The following PARD3B variants were observed in gnomAD, a reference collection of about 807,000 sequenced individuals.
PARD3B encodes the protein par-3 family cell polarity regulator beta.
In PARD3B, 103 loss-of-function variants were observed where a neutral mutation model predicts 130.2. The observed-to-expected ratio is 0.79, with a 90% CI of 0.67 to 0.93. PARD3B has a LOEUF of 0.93. Ranked by LOEUF, PARD3B falls within the 40% of genes least tolerant of loss-of-function variation. PARD3B has a pLI of 0.00. For synonymous variants in PARD3B, 583 were observed against 553.2 expected, an observed-to-expected ratio of 1.05 and a Z score of -0.76; for missense variants, 1,609 against 1,499.2, an observed-to-expected ratio of 1.07 and a Z score of -1.21.
intron 22 of PARD3B, among the ~76,000 whole-genome samples, chr2:205,603,923 T>A (rs991136716): frequency 6.6e-6 from 1 of 152,342 alleles, no homozygotes; most frequent in Non-Finnish European, 1.5e-5. Flanking sequence ...GACCTGTTGA[T>A]GCAGTTGCTT....
Position 205,615,744 on chromosome 2 carries a change from C to A in PARD3B, c.3549C>A (p.Gly1183=), listed in dbSNP as rs2055410465. ...CAGGCAGACCAGGGCCCCGTGGGGG[C>A]AGCCCAGACCAGTACCCTTACCGAA... ...QETGRPGPRG[G]SPDQYPYRTQ... The change falls in exon 23 of 23, where the codon GGC becomes GGA. Residue 1183 remains glycine, a synonymous_variant. Transcript: ENST00000406610. 1.2e-6 allele frequency: 2 copies of A among 1,614,004 alleles called. No homozygotes were observed. Among genetic ancestry groups the A allele is most frequent in the African/African-American group, 2.7e-5 (2 of 74,926 alleles).
intron 9 of PARD3B, 132 bp downstream of exon 9, chr2:205,124,598 T>C: frequency 1.6e-6 from 1 of 641,652 alleles, no homozygotes; most frequent in Non-Finnish European, 2.1e-6. Context: ...AAATTATTAC[T>C]TATAGACAAG....
chr2:205,417,398 A>G (rs189095670), intron 19 of PARD3B, among the ~76,000 whole-genome samples: 1,584 of 152,216 alleles, frequency 0.01, 36 homozygotes, highest in African/African-American at 0.036. Flanking sequence ...ATACGTGCAC[A>G]TGTGTCTTTA....
chr2:205,436,931 C>T (rs778949605), intron 19 of PARD3B, among the ~76,000 whole-genome samples: 2 of 151,832 alleles, frequency 1.3e-5, no homozygotes, highest in Non-Finnish European at 2.9e-5. Context: ...GGTGGGAGAC[C>T]TGCTCAGGGG....
intron 2 of PARD3B, among the ~76,000 whole-genome samples, chr2:204,761,055 AT>A (rs569317729): frequency 4.1e-4 from 62 of 152,268 alleles, no homozygotes; most frequent in African/African-American, 1.4e-3. Context: ...TTATTATTGC[AT>A]TTATGGCTGA....
rs1447238055 is a variant in PARD3B, at chr2:205,047,588, AC to A, written c.403del (p.Leu135CysfsTer3). The A allele has an allele frequency of 6.5e-7, 1 of 1,548,934 alleles. No individual in the cohort carries two copies. The highest frequency in any genetic ancestry group is 8.7e-7 in the Non-Finnish European group (1 of 1,145,970). On this transcript the variant is annotated frameshift_variant, in exon 4 of 23. Transcript: ENST00000406610. LOFTEE classifies it high-confidence loss of function. ...TPSALKLGTP[L>X]LVRRSSDPVP... ...TCTCACTTTGTCTTCCAGGCACTCC[AC>A]TGCTGGTGAGGAGAAGCAGTGACCC...
intron 3 of PARD3B, among the ~76,000 whole-genome samples, chr2:205,046,653 G>A (rs1698807332): frequency 6.6e-6 from 1 of 152,054 alleles, no homozygotes. Context: ...TCGCTTCAGA[G>A]GTTTGGGGAA....
intron 1 of PARD3B, among the ~76,000 whole-genome samples, chr2:204,605,651 G>A (rs977453411): frequency 2.7e-4 from 41 of 152,038 alleles, no homozygotes; most frequent in African/African-American, 9.2e-4. Context: ...CTCTGGGTTC[G>A]TGTCTTGGTT....
At chr2:204,554,772 G>A (rs1301345726) in intron 1 of PARD3B, among the ~76,000 whole-genome samples, 1 of 151,932 alleles carries the variant, frequency 6.6e-6, no homozygotes, top group African/African-American at 2.4e-5. Flanking sequence ...TCTCCTAAAT[G>A]GCCTTGGAAG....
intron 4 of PARD3B, among the ~76,000 whole-genome samples, chr2:205,054,452 T>A (rs1387756310): frequency 3.3e-4 from 29 of 88,830 alleles, no homozygotes; most frequent in Non-Finnish European, 7.5e-4. Flanking sequence ...TTTTTTTTTT[T>A]TTTTTAATTA....
chr2:205,174,321 A>C (rs17248501), intron 12 of PARD3B, among the ~76,000 whole-genome samples: 54,115 of 152,046 alleles, frequency 0.36, 9,884 homozygotes, highest in Middle Eastern at 0.49. Context: ...AGCAATTTCT[A>C]TGAGGACGTT....
At chr2:204,676,926 C>T (rs575021102) in intron 1 of PARD3B, among the ~76,000 whole-genome samples, 232 of 152,254 alleles carry the variant, frequency 1.5e-3, no homozygotes, top group African/African-American at 5.1e-3. Context: ...CCTCGGCCTC[C>T]CAAAGTGCTG....
intron 21 of PARD3B, among the ~76,000 whole-genome samples, chr2:205,547,223 A>T (rs957026109): frequency 1.3e-5 from 2 of 152,192 alleles, no homozygotes; most frequent in African/African-American, 4.8e-5. Flanking sequence ...ACAGCATAAG[A>T]CAGTACAATC....
At chr2:204,981,358 A>G (rs780129370) in intron 3 of PARD3B, among the ~76,000 whole-genome samples, 4 of 152,214 alleles carry the variant, frequency 2.6e-5, no homozygotes, top group Non-Finnish European at 4.4e-5. Flanking sequence ...TGGTGTATGC[A>G]TACAATGGAA....
intron 2 of PARD3B, among the ~76,000 whole-genome samples, chr2:204,807,751 C>A (rs1043552727): frequency 6.6e-6 from 1 of 152,050 alleles, no homozygotes. Context: ...TTAAACTTCA[C>A]ATCTTCTCTC....
At chr2:204,849,140 G>C (rs1012802771) in intron 2 of PARD3B, among the ~76,000 whole-genome samples, 2 of 151,982 alleles carry the variant, frequency 1.3e-5, no homozygotes, top group African/African-American at 4.8e-5. Flanking sequence ...GTGGCTATTG[G>C]AAAAAGACAT....
chr2:204,855,698 C>T (rs2125616195), intron 2 of PARD3B, among the ~76,000 whole-genome samples: 1 of 152,008 alleles, frequency 6.6e-6, no homozygotes, highest in East Asian at 1.9e-4. Flanking sequence ...TTCCCTTTCC[C>T]CCATTCTTTC....
At chr2:205,610,149 G>C (rs2055178209) in intron 22 of PARD3B, among the ~76,000 whole-genome samples, 2 of 152,148 alleles carry the variant, frequency 1.3e-5, no homozygotes, top group Non-Finnish European at 2.9e-5. Flanking sequence ...TGCCTCTCCT[G>C]GGTATGAGTA....
chr2:204,551,235 A>G (rs1399813761), intron 1 of PARD3B, among the ~76,000 whole-genome samples: 1 of 152,098 alleles, frequency 6.6e-6, no homozygotes, highest in Non-Finnish European at 1.5e-5. Flanking sequence ...ATATTTTGAG[A>G]TTTCATGCAA....
Sources: gnomAD v4.1 joint callset for allele counts (sites outside exome capture counted in the v4.1 genomes callset) on GRCh38, gnomAD v4.1.1 for gene constraint, MANE v1.5 for transcripts, NCBI Gene and HGNC (gene_info 2026-07-23, HGNC 2026-07-21) for gene names.